CRPPA: variants seen among roughly 807,000 people sequenced by gnomAD.
CRPPA encodes CDP-L-ribitol pyrophosphorylase A, also known as D-ribitol-5-phosphate cytidylyltransferase.
A neutral mutation model predicts 52.0 loss-of-function variants in CRPPA; 43 were observed. The observed-to-expected ratio is 0.83, with a 90% CI of 0.65 to 1.07. CRPPA has a LOEUF of 1.07. Among genes scored for constraint, CRPPA ranks in the 50% least tolerant of loss-of-function variants. The pLI, the probability that CRPPA is intolerant of heterozygous loss-of-function variation, is 0.00. For synonymous variants in CRPPA, 250 were observed against 203.5 expected, an observed-to-expected ratio of 1.23 and a Z score of -1.94; for missense variants, 629 against 551.7, an observed-to-expected ratio of 1.14 and a Z score of -1.40.
chr7:16,178,100 A>T (rs367580759), intron 9 of CRPPA, among the ~76,000 whole-genome samples: 2 of 151,888 alleles, frequency 1.3e-5, no homozygotes, highest in Non-Finnish European at 2.9e-5. Flanking sequence ...TTTGACTAGA[A>T]TTTAAGACAC....
chr7:16,319,116 A>T (rs1200882041), intron 3 of CRPPA, among the ~76,000 whole-genome samples: 1 of 152,170 alleles, frequency 6.6e-6, no homozygotes, highest in East Asian at 1.9e-4. Flanking sequence ...AACACAACTC[A>T]TAGCTGAGTC....
At chr7:16,126,784 G>T (rs1231834463) in intron 9 of CRPPA, among the ~76,000 whole-genome samples, 1 of 152,074 alleles carries the variant, frequency 6.6e-6, no homozygotes, top group African/African-American at 2.4e-5. Flanking sequence ...ACAGATGACA[G>T]ATACAAGAGT....
chr7:16,180,920 A>T (rs1038206356), intron 9 of CRPPA, among the ~76,000 whole-genome samples: 6 of 152,128 alleles, frequency 3.9e-5, no homozygotes, highest in African/African-American at 1.4e-4. Flanking sequence ...ATGGTGCCTT[A>T]TTCTTGTGCT....
At chr7:16,384,937 A>T (rs1003368058) in intron 2 of CRPPA, among the ~76,000 whole-genome samples, 3 of 152,224 alleles carry the variant, frequency 2.0e-5, no homozygotes, top group African/African-American at 7.2e-5. Flanking sequence ...AGAGGAAATT[A>T]CACTTAAAGC....
At chr7:16,103,598 T>C (rs549199783) in intron 9 of CRPPA, among the ~76,000 whole-genome samples, 1 of 152,258 alleles carries the variant, frequency 6.6e-6, no homozygotes, top group African/African-American at 2.4e-5. Context: ...TTCTTCCTCC[T>C]ATGAAAAAAC....
chr7:16,379,076 T>C (rs1237503544), intron 2 of CRPPA, among the ~76,000 whole-genome samples: 1 of 152,196 alleles, frequency 6.6e-6, no homozygotes, highest in East Asian at 1.9e-4. Context: ...GCTCTGATGG[T>C]AGTTTCTTTT....
intron 8 of CRPPA, among the ~76,000 whole-genome samples, chr7:16,235,276 T>C (rs1472728640): frequency 3.3e-5 from 5 of 151,936 alleles, no homozygotes; most frequent in Non-Finnish European, 7.4e-5. Flanking sequence ...AACTTTGAGA[T>C]AGGATGACAT....
chr7:16,255,004 C>T (rs11773633), intron 8 of CRPPA, among the ~76,000 whole-genome samples: 119,159 of 151,218 alleles, frequency 0.79, 47,693 homozygotes, highest in African/African-American at 0.94. Context: ...TCAAATTGTC[C>T]CTGTTTGCAG....
chr7:16,307,511 G>A (rs184116275), intron 4 of CRPPA, among the ~76,000 whole-genome samples: 201 of 151,620 alleles, frequency 1.3e-3, no homozygotes, highest in East Asian at 0.01. Context: ...GTGAAACCCC[G>A]TCTCTACTAA....
At chr7:16,354,392 A>C (rs1462342801) in intron 3 of CRPPA, among the ~76,000 whole-genome samples, 3 of 152,168 alleles carry the variant, frequency 2.0e-5, no homozygotes, top group Non-Finnish European at 2.9e-5. Flanking sequence ...TGCACTCCAC[A>C]ATCAGAATCA....
At chr7:16,358,541 T>C (rs1389410347) in intron 3 of CRPPA, among the ~76,000 whole-genome samples, 1 of 152,116 alleles carries the variant, frequency 6.6e-6, no homozygotes, top group Non-Finnish European at 1.5e-5. Flanking sequence ...AAAATATATA[T>C]CACAGTTTAT....
intron 3 of CRPPA, among the ~76,000 whole-genome samples, chr7:16,375,564 T>C (rs1336038774): frequency 6.6e-6 from 1 of 152,206 alleles, no homozygotes. Flanking sequence ...CTGAGACTGC[T>C]GTTCTTAAAA....
In CRPPA at chr7:16,090,695, C is replaced by G. The variant is rs1324783658; in HGVS notation, c.*1000G>C. ...CTGAGATTGTGCCACTGCACTCCAGCCTGACAGAGGGCGACTGCATTTCAA... is the reference window on the plus strand; with the variant it reads ...CTGAGATTGTGCCACTGCACTCCAGGCTGACAGAGGGCGACTGCATTTCAA... On this transcript the variant is annotated 3_prime_UTR_variant, in exon 10 of 10. Transcript: ENST00000407010. 6.6e-6 allele frequency: 1 copy of G among 151,972 alleles called. No individual in the cohort carries two copies. The highest frequency in any genetic ancestry group is 2.4e-5 in the African/African-American group (1 of 41,328). 9.4% of individuals were successfully genotyped at this position (151,972 alleles called of 1,614,324 possible).
At chr7:16,199,910 T>C (rs1336038588) in intron 9 of CRPPA, among the ~76,000 whole-genome samples, 5 of 143,056 alleles carry the variant, frequency 3.5e-5, no homozygotes, top group Admixed American at 7.7e-5. Flanking sequence ...CAGGCTGGGG[T>C]GCAATGGTGC....
At chr7:16,417,274 C>T (rs1236344495) in intron 1 of CRPPA, among the ~76,000 whole-genome samples, 1 of 152,164 alleles carries the variant, frequency 6.6e-6, no homozygotes, top group Non-Finnish European at 1.5e-5. Context: ...ACCATTCAAC[C>T]CAGCAATCTC....
chr7:16,345,244 A>G (rs942354733), intron 3 of CRPPA, among the ~76,000 whole-genome samples: 2 of 152,194 alleles, frequency 1.3e-5, no homozygotes, highest in African/African-American at 4.8e-5. Flanking sequence ...CAAGTATTCT[A>G]TTCCAGCAAA....
intron 9 of CRPPA, among the ~76,000 whole-genome samples, chr7:16,190,250 C>G (rs1228805144): frequency 1.3e-5 from 2 of 152,108 alleles, no homozygotes; most frequent in Non-Finnish European, 2.9e-5. Flanking sequence ...TTGAAGTTGT[C>G]CAGGCAGAGC....
chr7:16,240,560 G>T (rs1401318432), intron 8 of CRPPA, among the ~76,000 whole-genome samples: 1 of 124,600 alleles, frequency 8.0e-6, no homozygotes, highest in East Asian at 2.3e-4. Context: ...GTCAATCATT[G>T]GTTATTACAC....
At position 16,376,364 on chromosome 7, in the gene CRPPA, C is replaced by T. The variant is rs913639136; in HGVS notation, c.535-123G>A. 1.7e-5 allele frequency: 16 copies of T among 964,272 alleles called. No individual in the cohort carries two copies. The Admixed American group carries it at 4.7e-4, about 28-fold the overall frequency. The allele number at this position is 964,272 out of a possible 1,614,324, so 59.7% of individuals were successfully genotyped here. On this transcript the variant is annotated intron_variant, in intron 2 of 9. Transcript: ENST00000407010. ...CCTTCAACAAGCTACCTTAAGAAAA[C>T]ATCTGAGTAAGTGTGATTGGTTCAA...
Sources: allele counts gnomAD v4.1 joint callset (sites outside exome capture counted in the v4.1 genomes callset), GRCh38; gene constraint gnomAD v4.1.1; transcripts MANE v1.5; gene names NCBI Gene and HGNC (gene_info 2026-07-23, HGNC 2026-07-21).